Variants in TTLL10 observed in about 807,000 individuals in gnomAD.
TTLL10 encodes the protein inactive polyglycylase TTLL10.
TTLL10 carries 61 observed loss-of-function variants against 69.0 expected under a neutral mutation model. The observed-to-expected ratio is 0.88, with a 90% CI of 0.72 to 1.09. The LOEUF (loss-of-function observed/expected upper bound fraction) is 1.09, where lower values mean the gene tolerates loss of function less well. Ranked by LOEUF, TTLL10 falls within the 50% of genes least tolerant of loss-of-function variation. TTLL10 has a pLI of 0.00. For missense variants in TTLL10, 962 were observed against 945.9 expected (o/e 1.02, Z -0.22); for synonymous variants, 408 against 393.3 (o/e 1.04, Z -0.44).
At position 1,197,859 on chromosome 1, in the gene TTLL10, C is replaced by CGCGCACA. The variant is rs1648360342; in HGVS notation, c.*16_*17insACAGCGC. Reference sequence around the variant, plus strand: ...ACGCGAGGCCCTAGGGGCAGCCACCCGCGCCCAGCGCCCCGCGCCCCGCGC... The same window carrying CGCGCACA: ...ACGCGAGGCCCTAGGGGCAGCCACCCGCGCACAGCGCCCAGCGCCCCGCGCCCCGCGC... On this transcript the variant is annotated 3_prime_UTR_variant, in exon 16 of 16. Coordinates refer to ENST00000379289, the MANE Select transcript of TTLL10 (RefSeq NM_001130045.2). The CGCGCACA allele has an allele frequency of 7.0e-7, 1 of 1,429,548 alleles. No individual in the cohort carries two copies. Among genetic ancestry groups the CGCGCACA allele is most frequent in the East Asian group, 2.9e-5 (1 of 34,924 alleles). 88.6% of individuals were successfully genotyped at this position (1,429,548 alleles called of 1,614,324 possible).
At position 1,185,461 on chromosome 1, in the gene TTLL10, G is replaced by A. The variant is rs1647250880; in HGVS notation, c.1401+352G>A. The A allele has an allele frequency of 2.8e-6, 3 of 1,089,158 alleles. No individual in the cohort carries two copies. Among genetic ancestry groups the A allele is most frequent in the East Asian group, 1.4e-4 (2 of 14,444 alleles). The allele number at this position is 1,089,158 out of a possible 1,614,324, so 67.5% of individuals were successfully genotyped here. A position where few individuals can be genotyped will look rare whatever the true frequency, so the allele number is the denominator to read the frequency against. On this transcript the variant is annotated intron_variant, in intron 13 of 15. Coordinates refer to ENST00000379289, the MANE Select transcript of TTLL10 (RefSeq NM_001130045.2). The surrounding 1 kb of genome is among the most constrained non-coding windows in gnomAD (Gnocchi z 6.1). ...CTCCACTTGGCAGGCAGGGCCAACA[G>A]CAGCCCCCGGGCCAGGTGTCCTGGA...
rs536729883 is a variant in TTLL10 at position 1,196,817 on chromosome 1, G to C, written c.1518+101G>C. On this transcript the variant is annotated intron_variant, in intron 14 of 15. Coordinates refer to ENST00000379289, the MANE Select transcript of TTLL10 (RefSeq NM_001130045.2). ...TGGCAGGCCCCAGGCAGAATCTGCAGTCAGCCCCCACCCTGCCTGCATGCA... is the reference window on the plus strand; with the variant it reads ...TGGCAGGCCCCAGGCAGAATCTGCACTCAGCCCCCACCCTGCCTGCATGCA... 3.9e-5 allele frequency: 36 copies of C among 916,128 alleles called. No homozygotes were observed. The South Asian group carries it at 5.1e-4, about 13-fold the overall frequency. The allele number at this position is 916,128 out of a possible 1,614,324, so 56.7% of individuals were successfully genotyped here.
rs754640598 is a variant in TTLL10, at chr1:1,180,763, A to G, written c.658A>G (p.Lys220Glu). 4 of 1,608,082 alleles carry G rather than the reference A, an allele frequency of 2.5e-6. No individual in the cohort carries two copies. The highest frequency in any genetic ancestry group is 4.5e-5 in the East Asian group (2 of 44,414). Residue 220 changes from lysine to glutamate, a missense_variant, in exon 8 of 16, where the codon AAG becomes GAG. Physicochemically the swap from Lys to Glu is moderately conservative, Grantham distance 56. Transcript: ENST00000379289. Reference sequence around the variant, plus strand: ...GCTGCTGTACCAGCTTCCCAACAACAAGCTCCTCACCACCAAGATCGGGCT... The same window carrying G: ...GCTGCTGTACCAGCTTCCCAACAACGAGCTCCTCACCACCAAGATCGGGCT... ...EQLLYQLPNNKLLTTKIGLLS... is the reference protein window; with the variant it reads ...EQLLYQLPNNELLTTKIGLLS...
At chr1:1,189,973 G>A (rs1425289819) in intron 13 of TTLL10, among the ~76,000 whole-genome samples, 9 of 152,066 alleles carry the variant, frequency 5.9e-5, no homozygotes, top group East Asian at 1.9e-4. Context: ...TTAGCTGGGC[G>A]TGGTGGCGGG....
At chr1:1,183,808 G>A in intron 11 of TTLL10, 112 bp from the exon 12 acceptor site, 3 of 1,407,780 alleles carry the variant, frequency 2.1e-6, no homozygotes, top group Non-Finnish European at 2.9e-6. Context: ...GTCACACCTG[G>A]GACAGAGGCG....
Position 1,181,957 on chromosome 1 carries a change from C to A in TTLL10, c.830+142C>A. On this transcript the variant is annotated intron_variant, in intron 9 of 15. Coordinates refer to ENST00000379289, the MANE Select transcript of TTLL10 (RefSeq NM_001130045.2). This position sits in a 1 kb window ranked among gnomAD's most constrained non-coding sequence, Gnocchi z 4.6. Reference sequence around the variant, plus strand: ...GAGTCAGAGGTTCAGCCAGGCCAGGCCGAGATCCACGCTGACCCCCCAGTG... The same window carrying A: ...GAGTCAGAGGTTCAGCCAGGCCAGGACGAGATCCACGCTGACCCCCCAGTG... 1.2e-6 allele frequency: 1 copy of A among 803,978 alleles called. No individual in the cohort carries two copies. The highest frequency in any genetic ancestry group is 2.0e-6 in the Non-Finnish European group (1 of 494,910). 49.8% of individuals were successfully genotyped at this position (803,978 alleles called of 1,614,324 possible).
chr1:1,194,655 C>T (rs998426174), intron 13 of TTLL10, among the ~76,000 whole-genome samples: 4 of 152,180 alleles, frequency 2.6e-5, no homozygotes, highest in South Asian at 2.1e-4. Context: ...GCCCACCTCA[C>T]GACCTCTAAT....
chr1:1,197,255 C>T (rs544699726), intron 15 of TTLL10, 69 bp downstream of exon 15: 1 of 1,438,608 alleles, frequency 7.0e-7, no homozygotes, highest in African/African-American at 1.4e-5. Flanking sequence ...CTGCCCTCTT[C>T]CCAAGTTCAG....
chr1:1,197,239 GCC>G, intron 15 of TTLL10, 53 bp downstream of exon 15: 1 of 1,443,656 alleles, frequency 6.9e-7, no homozygotes, highest in South Asian at 1.2e-5. Context: ...AGTCTTGAAT[GCC>G]TACCTGCCCT....
rs1221677433 is a variant in TTLL10, at chr1:1,184,131, G to A, written c.1260+40G>A. The A allele has an allele frequency of 3.1e-6, 5 of 1,613,210 alleles. No individual in the cohort carries two copies. The South Asian group carries it at 5.5e-5, about 18-fold the overall frequency. Reference sequence around the variant, plus strand: ...GGTGAGGGCCCTCCCTGCAGCCTTGGGATGAGATTAGAAGGAGGTTCTCAC... The same window carrying A: ...GGTGAGGGCCCTCCCTGCAGCCTTGAGATGAGATTAGAAGGAGGTTCTCAC... On this transcript the variant is annotated intron_variant, in intron 12 of 15. Transcript: ENST00000379289.
At chr1:1,195,500 C>CTTTTTTTTTTT (rs1168016636) in intron 13 of TTLL10, among the ~76,000 whole-genome samples, 5,002 of 95,696 alleles carry the variant, frequency 0.052, 508 homozygotes, top group African/African-American at 0.13. Context: ...CATCGTCATA[C>CTTTTTTTTTTT]TTTTTTTTTT....
chr1:1,187,160 T>C (rs538320578), intron 13 of TTLL10, among the ~76,000 whole-genome samples: 3 of 152,114 alleles, frequency 2.0e-5, no homozygotes, highest in Non-Finnish European at 4.4e-5. Context: ...GTTCTTTACA[T>C]ATTCTAAACA....
intron 13 of TTLL10, among the ~76,000 whole-genome samples, chr1:1,193,808 T>G: frequency 6.6e-6 from 1 of 152,164 alleles, no homozygotes; most frequent in East Asian, 1.9e-4. Context: ...TTACTATATG[T>G]TTTTGAGTTA....
At chr1:1,178,432 G>A (rs1027592776) in intron 3 of TTLL10, among the ~76,000 whole-genome samples, 4 of 152,056 alleles carry the variant, frequency 2.6e-5, no homozygotes, top group African/African-American at 4.8e-5. Context: ...ATGGTGGTGG[G>A]TGCCTGTAGT....
At chr1:1,194,428 A>G (rs1482900103) in intron 13 of TTLL10, among the ~76,000 whole-genome samples, 1 of 152,204 alleles carries the variant, frequency 6.6e-6, no homozygotes, top group Non-Finnish European at 1.5e-5. Flanking sequence ...ATTTAATTAC[A>G]CAATGACCTT....
rs144245728 is a variant in TTLL10 at position 1,195,624 on chromosome 1, C to T, written c.1402-976C>T. Among the ~76,000 whole-genome samples, 148 of 148,774 alleles carry T rather than the reference C, an allele frequency of 9.9e-4. 2 individuals are homozygous for T. Among genetic ancestry groups the T allele is most frequent in the African/African-American group, 3.6e-3 (144 of 40,226 alleles). ...CTTCCCAAAGTGCTGGGATTACAGA[C>T]GTGAGCCACTGTGCCCGGCCCATAC... On this transcript the variant is annotated intron_variant, in intron 13 of 15. Transcript: ENST00000379289.
chr1:1,197,879 C>T lies in TTLL10; in HGVS notation c.*32C>T, dbSNP rs767943323. On this transcript the variant is annotated 3_prime_UTR_variant, in exon 16 of 16. Coordinates refer to ENST00000379289, the MANE Select transcript of TTLL10 (RefSeq NM_001130045.2). ...CCACCCGCGCCCAGCGCCCCGCGCCCCGCGCCCCAGCCGTGCTGCCTGCCC... is the reference window on the plus strand; with the variant it reads ...CCACCCGCGCCCAGCGCCCCGCGCCTCGCGCCCCAGCCGTGCTGCCTGCCC... 55 of 1,397,706 alleles carry T rather than the reference C, an allele frequency of 3.9e-5. No individual in the cohort carries two copies. In the South Asian group the frequency reaches 8.6e-4, roughly 22 times the overall value. The allele number at this position is 1,397,706 out of a possible 1,614,324, so 86.6% of individuals were successfully genotyped here.
intron 13 of TTLL10, among the ~76,000 whole-genome samples, chr1:1,193,328 A>G (rs1647967961): frequency 6.6e-6 from 1 of 152,146 alleles, no homozygotes; most frequent in South Asian, 2.1e-4. Context: ...CCGTCTCAAA[A>G]AATAATAATA....
rs547843360 is a variant in TTLL10, at chr1:1,176,166, G to C, written c.-28+1677G>C. On this transcript the variant is annotated intron_variant, in intron 3 of 15. Coordinates refer to ENST00000379289, the MANE Select transcript of TTLL10 (RefSeq NM_001130045.2). Reference sequence around the variant, plus strand: ...GTGCAGGTGGAGAGAGGCTGACGCTGTGCAGGTGGAGAGAGGCTGCCGCTG... The same window carrying C: ...GTGCAGGTGGAGAGAGGCTGACGCTCTGCAGGTGGAGAGAGGCTGCCGCTG... 4.7e-3 allele frequency: 2,115 copies of C among 447,172 alleles called. 47 individuals carry two copies. The highest frequency in any genetic ancestry group is 0.042 in the African/African-American group (1,935 of 45,726). 27.7% of individuals were successfully genotyped at this position (447,172 alleles called of 1,614,324 possible).
Sources: allele counts gnomAD v4.1 joint callset (sites outside exome capture counted in the v4.1 genomes callset), GRCh38; gene constraint gnomAD v4.1.1; non-coding constraint Gnocchi (gnomAD v3.1); transcripts MANE v1.5; gene names NCBI Gene and HGNC (gene_info 2026-07-23, HGNC 2026-07-21).